Variants in PIK3AP1 observed in about 807,000 individuals in gnomAD.
The protein encoded by PIK3AP1 is phosphoinositide-3-kinase adaptor protein 1.
PIK3AP1 carries 21 observed loss-of-function variants against 88.1 expected under a neutral mutation model. The ratio of observed to expected loss-of-function variants is 0.24; its 90% confidence interval spans 0.17 to 0.34. The LOEUF is 0.34. PIK3AP1 is among the 10% of genes least tolerant of loss of function. The pLI, the probability that PIK3AP1 is intolerant of heterozygous loss-of-function variation, is 1.00. For missense variants in PIK3AP1, 828 were observed against 1,035.7 expected (o/e 0.80, Z 2.75); for synonymous variants, 398 against 400.0 (o/e 1.00, Z 0.06).
chr10:96,691,684 C>G (rs1221017376), intron 2 of PIK3AP1, among the ~76,000 whole-genome samples: 1 of 152,154 alleles, frequency 6.6e-6, no homozygotes, highest in Non-Finnish European at 1.5e-5. Context: ...ACAGACGTGC[C>G]AGGATATTCA....
At chr10:96,616,614 T>C in intron 13 of PIK3AP1, 25 bp downstream of exon 13, 6 of 1,611,204 alleles carry the variant, frequency 3.7e-6, no homozygotes, top group Non-Finnish European at 5.1e-6. Context: ...TCCCACACAA[T>C]GCAGCACCCT....
chr10:96,629,348 G>C (rs897013513), intron 8 of PIK3AP1, among the ~76,000 whole-genome samples: 1 of 152,008 alleles, frequency 6.6e-6, no homozygotes, highest in Non-Finnish European at 1.5e-5. Context: ...CCTATGGAGA[G>C]GGAGAGAGGA....
rs188551000 is a variant in PIK3AP1 at position 96,637,474 on chromosome 10, G to C, written c.1375+7999C>G. The stretch of plus-strand genomic sequence containing the variant: ...GATTTCCCAGGCGATCCTCCCACCT[G>C]AGCCTCCTTAACTACAGGCATGCAC... On this transcript the variant is annotated intron_variant, in intron 8 of 16. Transcript: ENST00000339364. Among the ~76,000 whole-genome samples the C allele has an allele frequency of 3.7e-3, 568 of 152,102 alleles. 4 individuals carry two copies. The highest frequency in any genetic ancestry group is 0.013 in the African/African-American group (542 of 41,494).
At chr10:96,645,309 G>A (rs944635185) in intron 8 of PIK3AP1, among the ~76,000 whole-genome samples, 164 bp downstream of exon 8, 1 of 152,158 alleles carries the variant, frequency 6.6e-6, no homozygotes, top group Non-Finnish European at 1.5e-5. Flanking sequence ...AATTCTGCTT[G>A]TCACAGCACA....
At chr10:96,602,765 C>T (rs545625439) in intron 15 of PIK3AP1, among the ~76,000 whole-genome samples, 1 of 152,204 alleles carries the variant, frequency 6.6e-6, no homozygotes, top group Non-Finnish European at 1.5e-5. Flanking sequence ...TCCTGCTTGT[C>T]CCAGCCACTG....
intron 2 of PIK3AP1, among the ~76,000 whole-genome samples, chr10:96,688,264 T>C (rs1158838398): frequency 6.6e-6 from 1 of 152,018 alleles, no homozygotes; most frequent in African/African-American, 2.4e-5. Flanking sequence ...ACCTGAGCCC[T>C]CTAAAGTTCA....
intron 13 of PIK3AP1, among the ~76,000 whole-genome samples, chr10:96,613,155 C>A (rs1189909813): frequency 2.6e-5 from 4 of 151,520 alleles, no homozygotes. Flanking sequence ...CATGCCACCA[C>A]ACCCAGCTAA....
intron 2 of PIK3AP1, among the ~76,000 whole-genome samples, chr10:96,687,978 T>G (rs1472041970): frequency 6.6e-6 from 1 of 152,094 alleles, no homozygotes; most frequent in Non-Finnish European, 1.5e-5. Context: ...ACAGAGCTGG[T>G]TTGGAGCAAA....
At chr10:96,628,897 T>C (rs61858222) in intron 8 of PIK3AP1, among the ~76,000 whole-genome samples, 1,112 of 25,690 alleles carry the variant, frequency 0.043, 88 homozygotes, top group Middle Eastern at 0.11. Context: ...TACATATATA[T>C]ATATATATAT....
chr10:96,672,383 T>C (rs1843859510), intron 2 of PIK3AP1, among the ~76,000 whole-genome samples: 1 of 152,176 alleles, frequency 6.6e-6, no homozygotes, highest in African/African-American at 2.4e-5. Context: ...GAACAGTATT[T>C]CCTTCATTCA....
At chr10:96,715,448 G>A (rs921044349) in intron 1 of PIK3AP1, among the ~76,000 whole-genome samples, 9 of 152,270 alleles carry the variant, frequency 5.9e-5, no homozygotes, top group African/African-American at 1.9e-4. Flanking sequence ...TAATTTATCA[G>A]TATCAGTTAA....
intron 2 of PIK3AP1, among the ~76,000 whole-genome samples, chr10:96,708,831 C>G (rs1052335106): frequency 6.6e-6 from 1 of 151,526 alleles, no homozygotes; most frequent in Non-Finnish European, 1.5e-5. Context: ...AACATGTTAT[C>G]GAAAAAAACA....
intron 6 of PIK3AP1, 46 bp from the exon 7 acceptor site, chr10:96,648,901 C>A (rs752450584): frequency 1.4e-6 from 2 of 1,470,752 alleles, no homozygotes; most frequent in Non-Finnish European, 1.8e-6. Context: ...AAAATAAAGG[C>A]ACAGGGTGCC....
At chr10:96,602,710 C>G (rs1848920787) in intron 15 of PIK3AP1, among the ~76,000 whole-genome samples, 1 of 152,220 alleles carries the variant, frequency 6.6e-6, no homozygotes, top group African/African-American at 2.4e-5. Flanking sequence ...CACCCAAGGA[C>G]TCTTCTCAGA....
intron 2 of PIK3AP1, among the ~76,000 whole-genome samples, chr10:96,685,865 C>T (rs965055793): frequency 1.3e-5 from 2 of 152,166 alleles, no homozygotes; most frequent in East Asian, 3.9e-4. Context: ...GTCCCAGATG[C>T]TGAAACTAGC....
rs778673977 is a variant in PIK3AP1, at chr10:96,651,408, TC to T, written c.856-29del. The T allele has an allele frequency of 2.5e-6, 4 of 1,614,162 alleles. No individual in the cohort carries two copies. The South Asian group carries it at 4.4e-5, about 18-fold the overall frequency. ...GAAAACAAAAGTGAAGATGGTCAGA[TC>T]TGAAATCCAGCTCTCTTCCATCCCG... On this transcript the variant is annotated intron_variant, in intron 5 of 16. Coordinates refer to ENST00000339364, the MANE Select transcript of PIK3AP1 (RefSeq NM_152309.3).
At chr10:96,602,570 C>T (rs1848917686) in intron 15 of PIK3AP1, among the ~76,000 whole-genome samples, 172 bp from the exon 16 acceptor site, 1 of 152,218 alleles carries the variant, frequency 6.6e-6, no homozygotes, top group Non-Finnish European at 1.5e-5. Flanking sequence ...TTCCTGAAGT[C>T]ACTGAGGCAC....
At chr10:96,713,169 T>G (rs957020554) in intron 1 of PIK3AP1, among the ~76,000 whole-genome samples, 3 of 152,010 alleles carry the variant, frequency 2.0e-5, no homozygotes, top group Admixed American at 2.0e-4. Context: ...TCAGACCAGC[T>G]TGGGCAACAT....
At chr10:96,676,288 T>C (rs611378) in intron 2 of PIK3AP1, among the ~76,000 whole-genome samples, 1 of 150,790 alleles carries the variant, frequency 6.6e-6, no homozygotes, top group Non-Finnish European at 1.5e-5. Context: ...TCTTTGCTTG[T>C]CTTTATCTGT....
Sources: allele counts gnomAD v4.1 joint callset (sites outside exome capture counted in the v4.1 genomes callset), GRCh38; gene constraint gnomAD v4.1.1; transcripts MANE v1.5; gene names NCBI Gene and HGNC (gene_info 2026-07-23, HGNC 2026-07-21).